Variants in DCP2 observed in about 807,000 individuals in gnomAD.
DCP2 encodes the protein decapping mRNA 2, also known as m7GpppN-mRNA hydrolase.
DCP2 carries 30 observed loss-of-function variants against 56.1 expected under a neutral mutation model. The ratio of observed to expected loss-of-function variants is 0.53; its 90% confidence interval spans 0.40 to 0.73. The LOEUF is 0.73. DCP2 is among the 30% of genes least tolerant of loss of function. The pLI, the probability that DCP2 is intolerant of heterozygous loss-of-function variation, is 0.00. For missense variants in DCP2, 533 were observed against 502.7 expected (o/e 1.06, Z -0.58); for synonymous variants, 197 against 163.3 (o/e 1.21, Z -1.57).
rs1409713143 is a variant in DCP2 at position 113,018,955 on chromosome 5, T to C, written c.*5471T>C. The C allele has an allele frequency of 6.6e-6, 1 of 152,256 alleles. No homozygotes were observed. The highest frequency in any genetic ancestry group is 1.9e-4 in the East Asian group (1 of 5,206). The allele number at this position is 152,256 out of a possible 1,614,324, so 9.4% of individuals were successfully genotyped here. On this transcript the variant is annotated 3_prime_UTR_variant, in exon 11 of 11. Coordinates refer to ENST00000389063, the MANE Select transcript of DCP2 (RefSeq NM_152624.6). Reference sequence around the variant, plus strand: ...GTGCTCTTTTGAGTCTCAAGGCTTATAGCTTTCACATTGGCTTGGGAACAA... The same window carrying C: ...GTGCTCTTTTGAGTCTCAAGGCTTACAGCTTTCACATTGGCTTGGGAACAA...
chr5:112,978,538 A>G (rs1051875698), intron 1 of DCP2, among the ~76,000 whole-genome samples: 6 of 152,198 alleles, frequency 3.9e-5, no homozygotes, highest in Admixed American at 1.3e-4. Flanking sequence ...AAACCTCACA[A>G]AAGTACATAC....
At chr5:112,996,263 G>C (rs533818051) in intron 4 of DCP2, among the ~76,000 whole-genome samples, 2 of 152,178 alleles carry the variant, frequency 1.3e-5, no homozygotes, top group Non-Finnish European at 2.9e-5. Flanking sequence ...GACATTACCA[G>C]TTGTAAACCA....
rs1170539542 is a variant in DCP2 at position 113,021,628 on chromosome 5, G to T, written c.*8144G>T. 6.6e-6 allele frequency among the ~76,000 whole-genome samples: 1 copy of T among 152,108 alleles called. No homozygotes were observed. Among genetic ancestry groups the T allele is most frequent in the African/African-American group, 2.4e-5 (1 of 41,406 alleles). ...AAGAAATACATTCTTTTCCATTAGA[G>T]ACCTCAGCTATATGATAGTAACTTT... On this transcript the variant is annotated 3_prime_UTR_variant, in exon 11 of 11. Coordinates refer to ENST00000389063, the MANE Select transcript of DCP2 (RefSeq NM_152624.6).
intron 1 of DCP2, among the ~76,000 whole-genome samples, chr5:112,979,189 C>CT (rs1344376305): frequency 1.3e-5 from 2 of 151,996 alleles, no homozygotes; most frequent in East Asian, 1.9e-4. Flanking sequence ...CAAGAAATTT[C>CT]TTTTTGCAGT....
At position 113,021,820 on chromosome 5, in the gene DCP2, C is replaced by T. The variant is rs1270169563; in HGVS notation, c.*8336C>T. ...ATATGACTTCCTTGCATTTCCAGTC[C>T]TTGATTACATTCCATTTTAATGATC... On this transcript the variant is annotated 3_prime_UTR_variant, in exon 11 of 11. Coordinates refer to ENST00000389063, the MANE Select transcript of DCP2 (RefSeq NM_152624.6). Among the ~76,000 whole-genome samples, 1 of 152,184 alleles carries T rather than the reference C, an allele frequency of 6.6e-6. No homozygotes were observed. Among genetic ancestry groups the T allele is most frequent in the Non-Finnish European group, 1.5e-5 (1 of 68,042 alleles).
At chr5:112,983,908 G>A (rs1272594549) in intron 1 of DCP2, 2 of 152,180 alleles carry the variant, frequency 1.3e-5, no homozygotes, top group African/African-American at 4.8e-5. Flanking sequence ...TGAGGATAAA[G>A]ACATTTTAGA....
intron 4 of DCP2, among the ~76,000 whole-genome samples, chr5:112,996,407 CTTTT>C (rs1214516210): frequency 6.6e-6 from 1 of 151,586 alleles, no homozygotes; most frequent in Admixed American, 6.6e-5. Context: ...GTTTTGAGCA[CTTTT>C]TTTTTCTTGC....
chr5:112,980,950 A>T (rs1275621467), intron 1 of DCP2, among the ~76,000 whole-genome samples: 2 of 151,850 alleles, frequency 1.3e-5, no homozygotes, highest in Non-Finnish European at 2.9e-5. Flanking sequence ...TACCACACCC[A>T]CTATTGCCCC....
intron 4 of DCP2, among the ~76,000 whole-genome samples, chr5:112,993,039 C>T (rs577935599): frequency 6.6e-6 from 1 of 151,650 alleles, no homozygotes; most frequent in African/African-American, 2.4e-5. Context: ...CCCACCTTTC[C>T]CTTTAGAATT....
At chr5:112,989,266 T>C (rs1485021479) in intron 2 of DCP2, among the ~76,000 whole-genome samples, 2 of 152,210 alleles carry the variant, frequency 1.3e-5, no homozygotes, top group Admixed American at 1.3e-4. Context: ...GGTAGGTTAT[T>C]TAAATCATCT....
chr5:113,003,290 C>T (rs993769387), intron 7 of DCP2, among the ~76,000 whole-genome samples: 4 of 152,192 alleles, frequency 2.6e-5, no homozygotes, highest in South Asian at 2.1e-4. Flanking sequence ...CAGAAGAATT[C>T]GAGACTGGAT....
chr5:113,007,464 C>T (rs943299585), intron 8 of DCP2, among the ~76,000 whole-genome samples: 1 of 150,490 alleles, frequency 6.6e-6, no homozygotes, highest in East Asian at 2.0e-4. Flanking sequence ...GCAGTCGTGC[C>T]ATCTTGGCTG....
At chr5:113,008,216 C>T (rs1561703735) in intron 9 of DCP2, 174 bp downstream of exon 9, 1 of 514,240 alleles carries the variant, frequency 1.9e-6, no homozygotes, top group South Asian at 4.0e-5. Context: ...TCTGGCTGCT[C>T]TTAATTACAA....
chr5:113,016,497 T>C lies in DCP2; in HGVS notation c.*3013T>C, dbSNP rs922623951. The C allele has an allele frequency of 2.0e-5, 3 of 152,224 alleles. No individual in the cohort carries two copies. Among genetic ancestry groups the C allele is most frequent in the Non-Finnish European group, 2.9e-5 (2 of 68,022 alleles). The allele number at this position is 152,224 out of a possible 1,614,324, so 9.4% of individuals were successfully genotyped here. On this transcript the variant is annotated 3_prime_UTR_variant, in exon 11 of 11. Transcript: ENST00000389063. ...AGTAAGTATAGCTAATGAAGACATA[T>C]AATGAAAGTAATTTTATGCTGTAAG...
chr5:112,997,587 G>A (rs2150180730), intron 4 of DCP2, among the ~76,000 whole-genome samples: 1 of 151,776 alleles, frequency 6.6e-6, no homozygotes. Flanking sequence ...GCTGCTCTTT[G>A]GGTTACACTT....
In DCP2 at chr5:113,013,350, G is replaced by A. The variant is rs775214517; in HGVS notation, c.1129G>A (p.Glu377Lys). 1 of 1,614,062 alleles carries A rather than the reference G, an allele frequency of 6.2e-7. No homozygotes were observed. ...TGTATATGACTTGCCTAGCTCCAGT[G>A]AAGACCAGTTGCTAGAACATGCTGA... ...DAVYDLPSSS[E>K]DQLLEHAEGQ... Residue 377 changes from glutamate (E) to lysine (K), a missense_variant, in exon 11 of 11, where the codon GAA becomes AAA. Physicochemically the swap from Glu to Lys is moderately conservative, Grantham distance 56 (BLOSUM62 1). Around this residue, in one of 3 missense-constraint regions of DCP2, gnomAD observed 392 missense variants for 346.6 expected, o/e 1.13. Transcript: ENST00000389063.
chr5:112,994,038 C>G (rs554176830), intron 4 of DCP2, among the ~76,000 whole-genome samples: 1 of 152,008 alleles, frequency 6.6e-6, no homozygotes, highest in South Asian at 2.1e-4. Flanking sequence ...GTCAAGTGAT[C>G]TCTCCTCCTC....
chr5:112,977,655 C>G (rs975684861), intron 1 of DCP2, among the ~76,000 whole-genome samples: 6 of 152,166 alleles, frequency 3.9e-5, no homozygotes, highest in Non-Finnish European at 8.8e-5. Flanking sequence ...GGGGTTTTAA[C>G]TCAGGGTGTA....
rs781340529 is a variant in DCP2, at chr5:112,976,811, G to C, written c.-123G>C. ...CCCCTTCCCCTTCTCGTCTCCGTTG[G>C]AGTCGTCTCTGCCGCGGCTTCCTCG... On this transcript the variant is annotated 5_prime_UTR_variant, in exon 1 of 11. Transcript: ENST00000389063. The C allele has an allele frequency of 6.2e-6, 6 of 960,092 alleles. No individual in the cohort carries two copies. In the African/African-American group the frequency reaches 8.0e-5, roughly 13 times the overall value. 59.5% of individuals were successfully genotyped at this position (960,092 alleles called of 1,614,324 possible). A position where few individuals can be genotyped will look rare whatever the true frequency, so the allele number is the denominator to read the frequency against.
Sources: allele counts gnomAD v4.1 joint callset (sites outside exome capture counted in the v4.1 genomes callset), GRCh38; gene constraint gnomAD v4.1.1; regional missense constraint gnomAD v4.1.1; transcripts MANE v1.5; gene names NCBI Gene and HGNC (gene_info 2026-07-23, HGNC 2026-07-21).